Variants in CA10 observed in about 807,000 individuals in gnomAD.
The protein encoded by CA10 is carbonic anhydrase-related protein 10.
CA10 carries 14 observed loss-of-function variants against 44.2 expected under a neutral mutation model. That is an observed-to-expected ratio of 0.32 (90% CI 0.21 to 0.50). The LOEUF (loss-of-function observed/expected upper bound fraction) is 0.50. Among genes scored for constraint, CA10 ranks in the 20% least tolerant of loss-of-function variants. The pLI is 0.99. For synonymous variants in CA10, 159 were observed against 141.6 expected (o/e 1.12, Z -0.87); for missense variants, 350 against 409.7 (o/e 0.85, Z 1.26).
intron 3 of CA10, among the ~76,000 whole-genome samples, chr17:51,855,029 A>G (rs9904191): frequency 0.14 from 21,250 of 152,108 alleles, 2,615 homozygotes; most frequent in African/African-American, 0.34. Flanking sequence ...GGTTCTGGGG[A>G]AGGTTGAGTG....
At chr17:51,946,936 T>C (rs1426097088) in intron 2 of CA10, among the ~76,000 whole-genome samples, 2 of 152,224 alleles carry the variant, frequency 1.3e-5, no homozygotes, top group East Asian at 1.9e-4. Flanking sequence ...TGGACCTTTC[T>C]CTTATTCTTG....
At chr17:51,760,126 C>A (rs576654085) in intron 3 of CA10, among the ~76,000 whole-genome samples, 34 of 152,334 alleles carry the variant, frequency 2.2e-4, no homozygotes, top group African/African-American at 7.5e-4. Flanking sequence ...GCCTGTGGAA[C>A]ACAGTGGCAC....
chr17:51,727,257 T>C (rs1416512993), intron 4 of CA10, among the ~76,000 whole-genome samples: 1 of 152,236 alleles, frequency 6.6e-6, no homozygotes, highest in Non-Finnish European at 1.5e-5. Context: ...TGTAATCTCC[T>C]GCTTTCACTT....
At chr17:51,924,278 G>T (rs1567886995) in intron 3 of CA10, among the ~76,000 whole-genome samples, 1 of 151,342 alleles carries the variant, frequency 6.6e-6, no homozygotes, top group African/African-American at 2.4e-5. Flanking sequence ...CACTTTGTTT[G>T]TTTTGTTTGT....
intron 2 of CA10, among the ~76,000 whole-genome samples, chr17:51,971,158 G>A (rs1161474742): frequency 6.6e-6 from 1 of 151,958 alleles, no homozygotes; most frequent in East Asian, 1.9e-4. Context: ...AACATTTTTG[G>A]AAAGTCTCAA....
At chr17:51,981,319 G>A (rs1044979926) in intron 2 of CA10, among the ~76,000 whole-genome samples, 9 of 152,084 alleles carry the variant, frequency 5.9e-5, no homozygotes, top group Non-Finnish European at 8.8e-5. Flanking sequence ...TGATAGAATC[G>A]TACAGTGAAA....
At chr17:52,013,873 C>T (rs1985885590) in intron 2 of CA10, among the ~76,000 whole-genome samples, 1 of 151,864 alleles carries the variant, frequency 6.6e-6, no homozygotes, top group South Asian at 2.1e-4. Context: ...CCATAGTTTC[C>T]CCATTCATGG....
At chr17:51,685,318 T>G (rs902928958) in intron 4 of CA10, among the ~76,000 whole-genome samples, 2 of 152,166 alleles carry the variant, frequency 1.3e-5, no homozygotes, top group Non-Finnish European at 2.9e-5. Flanking sequence ...TCATCAGGAC[T>G]GGAAGGGAAG....
chr17:51,773,042 C>T (rs1325944961), intron 3 of CA10, among the ~76,000 whole-genome samples: 10 of 152,208 alleles, frequency 6.6e-5, no homozygotes, highest in Admixed American at 6.5e-4. Context: ...CCATAAGCTC[C>T]TTCAAGACAG....
At chr17:51,641,694 A>G (rs1235752193) in intron 6 of CA10, among the ~76,000 whole-genome samples, 2 of 151,634 alleles carry the variant, frequency 1.3e-5, no homozygotes, top group East Asian at 3.9e-4. Context: ...ACAACTCCCA[A>G]GCTGACTTTT....
chr17:51,823,302 G>C (rs114707060), intron 3 of CA10, among the ~76,000 whole-genome samples: 34 of 152,278 alleles, frequency 2.2e-4, no homozygotes, highest in African/African-American at 7.7e-4. Flanking sequence ...AGGAAGCCAC[G>C]GTGGGTGTAT....
chr17:51,807,251 G>A (rs1243768051), intron 3 of CA10, among the ~76,000 whole-genome samples: 1 of 152,216 alleles, frequency 6.6e-6, no homozygotes, highest in African/African-American at 2.4e-5. Flanking sequence ...ACCCTGGAGA[G>A]CATTTGCTTT....
intron 2 of CA10, among the ~76,000 whole-genome samples, chr17:51,945,895 T>C (rs1983255061): frequency 6.6e-6 from 1 of 151,998 alleles, no homozygotes; most frequent in South Asian, 2.1e-4. Flanking sequence ...AAAACACACT[T>C]AGGAAAGGTG....
At chr17:52,078,534 A>G (rs1038166263) in intron 1 of CA10, among the ~76,000 whole-genome samples, 6 of 152,230 alleles carry the variant, frequency 3.9e-5, no homozygotes, top group African/African-American at 1.4e-4. Context: ...GAAGCCCTGA[A>G]TGGTTGTTTC....
chr17:51,867,460 G>A (rs1006698236), intron 3 of CA10, among the ~76,000 whole-genome samples: 13 of 152,154 alleles, frequency 8.5e-5, no homozygotes, highest in East Asian at 3.9e-4. Context: ...TTGAAGTGCA[G>A]CAAGTTCTTT....
In CA10 at chr17:51,720,996, A is replaced by T. The variant is rs895046722; in HGVS notation, c.465+26637T>A. 3.3e-5 allele frequency among the ~76,000 whole-genome samples: 5 copies of T among 152,340 alleles called. No individual in the cohort carries two copies. In the South Asian group the frequency reaches 1.0e-3, roughly 32 times the overall value. On this transcript the variant is annotated intron_variant, in intron 4 of 8. Coordinates refer to ENST00000451037, the MANE Select transcript of CA10 (RefSeq NM_020178.5). Reference sequence around the variant, plus strand: ...TGCCTAGATCAAAACATCACATTGTATCCCACATATATACACAATTATTAT... The same window carrying T: ...TGCCTAGATCAAAACATCACATTGTTTCCCACATATATACACAATTATTAT...
intron 1 of CA10, among the ~76,000 whole-genome samples, chr17:52,076,736 A>T (rs1402095752): frequency 6.6e-6 from 1 of 152,190 alleles, no homozygotes; most frequent in African/African-American, 2.4e-5. Context: ...TTATAGATGG[A>T]TCTCCTAGAG....
At chr17:51,971,011 G>A (rs148315154) in intron 2 of CA10, among the ~76,000 whole-genome samples, 4 of 152,052 alleles carry the variant, frequency 2.6e-5, no homozygotes, top group Admixed American at 1.3e-4. Context: ...TTTGGTAATT[G>A]GTGTTCATTC....
intron 3 of CA10, among the ~76,000 whole-genome samples, chr17:51,895,240 T>C (rs1297251142): frequency 6.6e-6 from 1 of 151,988 alleles, no homozygotes; most frequent in East Asian, 1.9e-4. Context: ...TTCAGAAACA[T>C]GGGATTCTGA....
Sources: gnomAD v4.1 joint callset for allele counts (sites outside exome capture counted in the v4.1 genomes callset) on GRCh38, gnomAD v4.1.1 for gene constraint, MANE v1.5 for transcripts, NCBI Gene and HGNC (gene_info 2026-07-23, HGNC 2026-07-21) for gene names.